The following FKBP14 variants were observed in gnomAD, a reference collection of about 807,000 sequenced individuals.
FKBP14 encodes peptidyl-prolyl cis-trans isomerase FKBP14.
A neutral mutation model predicts 21.6 loss-of-function variants in FKBP14; 20 were observed. That is an observed-to-expected ratio of 0.92 (90% CI 0.65 to 1.34). The LOEUF (loss-of-function observed/expected upper bound fraction) is 1.34. Among genes scored for constraint, FKBP14 ranks in the 40% most tolerant of loss-of-function variants. The probability of loss-of-function intolerance (pLI) is 0.00; values close to 1 mark genes in which losing one functional copy is unlikely to be tolerated. For synonymous variants in FKBP14, 79 were observed against 86.7 expected (o/e 0.91, Z 0.49); for missense variants, 253 against 249.0 (o/e 1.02, Z -0.11).
At chr7:30,018,591 T>G (rs1789951211) in intron 3 of FKBP14, among the ~76,000 whole-genome samples, 1 of 152,266 alleles carries the variant, frequency 6.6e-6, no homozygotes, top group Non-Finnish European at 1.5e-5. Flanking sequence ...ACAGCCAGTC[T>G]ACAGTTTTAA....
rs371252833 is a variant in FKBP14, at chr7:30,015,787, A to G, written c.478-894T>C. On this transcript the variant is annotated intron_variant, in intron 3 of 3. Transcript: ENST00000222803. ...ACTACAGGCGCCCGCCACCACGCCC[A>G]GCTAATTTTTTGTATTTTTAGTAGA... is the stretch of plus-strand genomic sequence containing the variant. Among the ~76,000 whole-genome samples the G allele has an allele frequency of 4.5e-4, 68 of 150,536 alleles. 1 individual carries two copies. The highest frequency in any genetic ancestry group is 1.4e-3 in the African/African-American group (57 of 40,942).
At chr7:30,006,178 A>G (rs920437544), downstream of FKBP14, among the ~76,000 whole-genome samples, 4 of 142,140 alleles carry the variant, frequency 2.8e-5, no homozygotes, top group African/African-American at 1.1e-4. Flanking sequence ...CTGAAGTGCA[A>G]TGCTGTGATC....
chr7:30,019,432 T>C (rs1463264983), intron 2 of FKBP14, among the ~76,000 whole-genome samples: 1 of 152,118 alleles, frequency 6.6e-6, no homozygotes, highest in African/African-American at 2.4e-5. Context: ...ATTTCTAATA[T>C]AATTAATATA....
chr7:30,023,587 GTT>G (rs1256343139), intron 1 of FKBP14, among the ~76,000 whole-genome samples: 1 of 152,190 alleles, frequency 6.6e-6, no homozygotes, highest in Non-Finnish European at 1.5e-5. Context: ...GGACTGGTGT[GTT>G]AGTCCATTTT....
intron 2 of FKBP14, among the ~76,000 whole-genome samples, 165 bp from the exon 3 acceptor site, chr7:30,019,288 T>C (rs1789970282): frequency 6.6e-6 from 1 of 152,072 alleles, no homozygotes; most frequent in African/African-American, 2.4e-5. Context: ...TCGAATAGAA[T>C]AGAGTAAAAG....
chr7:30,026,535 T>C lies in FKBP14; in HGVS notation c.-27A>G. 1 of 1,585,102 alleles carries C rather than the reference T, an allele frequency of 6.3e-7. No individual in the cohort carries two copies. The highest frequency in any genetic ancestry group is 8.6e-7 in the Non-Finnish European group (1 of 1,167,158). ...TTGCTGAAGCAAGGAAAGAAGTCCCTACAAAAGCAGCGAAAGGTCCCTCGA... is the reference window on the plus strand; with the variant it reads ...TTGCTGAAGCAAGGAAAGAAGTCCCCACAAAAGCAGCGAAAGGTCCCTCGA... On this transcript the variant is annotated 5_prime_UTR_variant, in exon 1 of 4. An upstream open reading frame in the 5' UTR loses its in-frame stop. Transcript: ENST00000222803.
Position 30,022,707 on chromosome 7 carries a change from G to A in FKBP14, c.307C>T (p.Leu103Phe). 1 of 1,614,082 alleles carries A rather than the reference G, an allele frequency of 6.2e-7. No individual in the cohort carries two copies. The highest frequency in any genetic ancestry group is 8.5e-7 in the Non-Finnish European group (1 of 1,179,998). ...TAGCCCAGAGCAGGAGGAATGATGA[G>A]CTTTCTCTTCTCTCCTACACACATT... ...KGMCVGEKRK[L>F]IIPPALGYGK... Residue 103 changes from leucine (L) to phenylalanine (F), a missense_variant, in exon 2 of 4, where the codon CTC becomes TTC. Physicochemically the swap from Leu to Phe is conservative, Grantham distance 22. Transcript: ENST00000222803.
rs1789706347 is a variant in FKBP14, at chr7:30,010,932, A to C, written c.*3803T>G. On this transcript the variant is annotated 3_prime_UTR_variant, in exon 4 of 4. Transcript: ENST00000222803. The stretch of plus-strand genomic sequence containing the variant: ...TGTACAGCTATGCAATGTGTGTTTT[A>C]AGCTACGTTATTACTAGAAGAGTCC... 1.3e-5 allele frequency: 2 copies of C among 152,226 alleles called. No individual in the cohort carries two copies. Among genetic ancestry groups the C allele is most frequent in the Admixed American group, 1.3e-4 (2 of 15,276 alleles). The allele number at this position is 152,226 out of a possible 1,614,324, so 9.4% of individuals were successfully genotyped here. A position where few individuals can be genotyped will look rare whatever the true frequency, so the allele number is the denominator to read the frequency against.
chr7:30,019,267 T>C (rs553185790), intron 2 of FKBP14, 144 bp from the exon 3 acceptor site: 1 of 740,908 alleles, frequency 1.3e-6, no homozygotes, highest in Admixed American at 3.7e-5. Context: ...ATTATGTATA[T>C]TATATTTTAC....
Position 30,011,529 on chromosome 7 carries a change from A to C in FKBP14, c.*3206T>G, listed in dbSNP as rs1042386882. On this transcript the variant is annotated 3_prime_UTR_variant, in exon 4 of 4. Coordinates refer to ENST00000222803, the MANE Select transcript of FKBP14 (RefSeq NM_017946.4). Reference sequence around the variant, plus strand: ...AGGTATACCATATATATATATATACACACACCATATATATATATACTATAT... The same window carrying C: ...AGGTATACCATATATATATATATACCCACACCATATATATATATACTATAT... 6.9e-6 allele frequency: 1 copy of C among 145,440 alleles called. No homozygotes were observed. Among genetic ancestry groups the C allele is most frequent in the South Asian group, 2.1e-4 (1 of 4,704 alleles). The allele number at this position is 145,440 out of a possible 1,614,324, so 9.0% of individuals were successfully genotyped here.
At chr7:30,007,731 C>T (rs1052917479), downstream of FKBP14, among the ~76,000 whole-genome samples, 7 of 152,284 alleles carry the variant, frequency 4.6e-5, no homozygotes, top group East Asian at 1.3e-3. Context: ...CCACCTGCAT[C>T]AGGGTCACCA....
At chr7:30,010,134 T>C (rs1437843878), downstream of FKBP14, among the ~76,000 whole-genome samples, 3 of 152,184 alleles carry the variant, frequency 2.0e-5, no homozygotes, top group Admixed American at 6.5e-5. Context: ...TCAGAAATCA[T>C]TGTTTCTCGT....
rs1157775477 is a variant in FKBP14, at chr7:30,022,632, G to A, written c.349+33C>T. The A allele has an allele frequency of 4.4e-6, 7 of 1,597,458 alleles. No individual in the cohort carries two copies. In the South Asian group the frequency reaches 7.9e-5, roughly 18 times the overall value. On this transcript the variant is annotated intron_variant, in intron 2 of 3. Coordinates refer to ENST00000222803, the MANE Select transcript of FKBP14 (RefSeq NM_017946.4). ...TCCTAATCCAGAGAACAACTCTAGT[G>A]CTATAGTAAGAAAAATACAGAAATA...
intron 1 of FKBP14, among the ~76,000 whole-genome samples, chr7:30,024,423 C>T (rs906530564): frequency 1.5e-4 from 23 of 152,286 alleles, no homozygotes; most frequent in East Asian, 3.9e-4. Context: ...TTCTTCAGAG[C>T]GGAGTCTCGC....
At chr7:30,007,488 G>A (rs1562832971), downstream of FKBP14, among the ~76,000 whole-genome samples, 1 of 152,126 alleles carries the variant, frequency 6.6e-6, no homozygotes, top group Admixed American at 6.5e-5. Flanking sequence ...GATTACAGGC[G>A]TGAGCCACTG....
chr7:30,026,356 G>A lies in FKBP14; in HGVS notation c.153C>T (p.His51=). 1 of 1,614,068 alleles carries A rather than the reference G, an allele frequency of 6.2e-7. No individual in the cohort carries two copies. The highest frequency in any genetic ancestry group is 8.5e-7 in the Non-Finnish European group (1 of 1,179,954). ...KTKGGDLMLV[H]YEGYLEKDGS... ...CGTCCTTTTCTAAGTAGCCTTCATA[G>A]TGGACCAACATCAAATCCCCTCCTT... Residue 51 remains histidine, a synonymous_variant, in exon 1 of 4, where the codon CAC becomes CAT. Coordinates refer to ENST00000222803, the MANE Select transcript of FKBP14 (RefSeq NM_017946.4).
In FKBP14 at chr7:30,026,473, C is replaced by G. The variant is rs1279866598; in HGVS notation, c.36G>C (p.Leu12=). The change falls in exon 1 of 4, where the codon CTG becomes CTC. Residue 12 remains leucine (L), a synonymous_variant. Transcript: ENST00000222803. ...AAGCCCCAATCAAAGAAGTGACGAA[C>G]AGAGTCAAGACCGCGTTCCACAAGA... ...RLFLWNAVLT[L]FVTSLIGALI... 6 of 1,613,874 alleles carry G rather than the reference C, an allele frequency of 3.7e-6. No individual in the cohort carries two copies. Among genetic ancestry groups the G allele is most frequent in the East Asian group, 2.2e-5 (1 of 44,888 alleles).
intron 1 of FKBP14, among the ~76,000 whole-genome samples, chr7:30,023,271 G>T (rs1164067399): frequency 1.6e-4 from 25 of 152,182 alleles, no homozygotes; most frequent in Admixed American, 1.6e-3. Flanking sequence ...TCCCAGGAAG[G>T]CCACTAGGTT....
At chr7:30,018,442 G>T (rs949342979) in intron 3 of FKBP14, among the ~76,000 whole-genome samples, 4 of 152,194 alleles carry the variant, frequency 2.6e-5, no homozygotes, top group Non-Finnish European at 5.9e-5. Context: ...TTTACCCAAA[G>T]GCTCAGATTT....
Sources: allele counts gnomAD v4.1 joint callset (sites outside exome capture counted in the v4.1 genomes callset), GRCh38; gene constraint gnomAD v4.1.1; transcripts MANE v1.5; gene names NCBI Gene and HGNC (gene_info 2026-07-23, HGNC 2026-07-21).